Variants in QSOX2 observed in about 807,000 individuals in gnomAD.
QSOX2 encodes sulfhydryl oxidase 2.
QSOX2 carries 46 observed loss-of-function variants against 61.7 expected under a neutral mutation model. That is an observed-to-expected ratio of 0.75 (90% CI 0.59 to 0.95). The LOEUF is 0.95. QSOX2 is among the 40% of genes least tolerant of loss of function. The probability of loss-of-function intolerance (pLI) is 0.00; values close to 1 mark genes in which losing one functional copy is unlikely to be tolerated. For synonymous variants in QSOX2, 383 were observed against 388.4 expected, an observed-to-expected ratio of 0.99 and a Z score of 0.16; for missense variants, 879 against 918.9, an observed-to-expected ratio of 0.96 and a Z score of 0.56.
At chr9:136,240,749 G>A (rs1261283128) in intron 1 of QSOX2, among the ~76,000 whole-genome samples, 2 of 152,206 alleles carry the variant, frequency 1.3e-5, no homozygotes, top group Non-Finnish European at 2.9e-5. Flanking sequence ...CCTCATCTGG[G>A]GACTGAGGGC....
At chr9:136,230,091 C>T (rs1830316957) in intron 1 of QSOX2, among the ~76,000 whole-genome samples, 1 of 151,842 alleles carries the variant, frequency 6.6e-6, no homozygotes, top group Non-Finnish European at 1.5e-5. Context: ...CCATCCTGGC[C>T]AACATGGTAA....
At chr9:136,231,769 A>G (rs1447570202) in intron 1 of QSOX2, among the ~76,000 whole-genome samples, 1 of 152,172 alleles carries the variant, frequency 6.6e-6, no homozygotes, top group East Asian at 1.9e-4. Context: ...GCTTCCATCA[A>G]AGGCTGTGGT....
intron 9 of QSOX2, among the ~76,000 whole-genome samples, chr9:136,216,103 T>C (rs1831909711): frequency 1.3e-5 from 2 of 152,230 alleles, no homozygotes; most frequent in Admixed American, 6.5e-5. Context: ...CTGGGTTTAC[T>C]GCCCGCGAGT....
At chr9:136,218,936 G>A in intron 7 of QSOX2, 94 bp downstream of exon 7, 1 of 1,572,314 alleles carries the variant, frequency 6.4e-7, no homozygotes. Flanking sequence ...CTCACTGGCT[G>A]GGGTGGGTTT....
Position 136,210,754 on chromosome 9 carries a change from G to C in QSOX2, c.1549+510C>G, listed in dbSNP as rs956332721. 3.0e-6 allele frequency: 3 copies of C among 985,034 alleles called. No homozygotes were observed. The African/African-American group carries it at 5.2e-5, about 17-fold the overall frequency. 61.0% of individuals were successfully genotyped at this position (985,034 alleles called of 1,614,324 possible). A position where few individuals can be genotyped will look rare whatever the true frequency, so the allele number is the denominator to read the frequency against. ...GATTTCTCAGTGGAATTATTTTTAA[G>C]CCTAATTTTAATCTGCCACTGATTT... On this transcript the variant is annotated intron_variant, in intron 11 of 11. Coordinates refer to ENST00000358701, the MANE Select transcript of QSOX2 (RefSeq NM_181701.4).
chr9:136,233,852 T>C (rs1329043067), intron 1 of QSOX2, among the ~76,000 whole-genome samples: 1 of 152,162 alleles, frequency 6.6e-6, no homozygotes, highest in African/African-American at 2.4e-5. Flanking sequence ...GACCCTTTTC[T>C]AAAACAGGCA....
chr9:136,218,581 G>A (rs931181535), intron 8 of QSOX2, 98 bp downstream of exon 8: 65 of 1,402,918 alleles, frequency 4.6e-5, no homozygotes, highest in Admixed American at 1.9e-4. Context: ...GCACCTCAGC[G>A]GAGCTGGCGG....
Position 136,208,401 on chromosome 9 carries a change from A to C in QSOX2, c.*327T>G. Reference sequence around the variant, plus strand: ...GAAACGAGATGAAAGTGTGTGGGGAAGACTATCTGGCCTGGACTCTGCACC... The same window carrying C: ...GAAACGAGATGAAAGTGTGTGGGGACGACTATCTGGCCTGGACTCTGCACC... On this transcript the variant is annotated 3_prime_UTR_variant, in exon 12 of 12. Transcript: ENST00000358701. 4 of 204,118 alleles carry C rather than the reference A, an allele frequency of 2.0e-5. No individual in the cohort carries two copies. The highest frequency in any genetic ancestry group is 1.2e-4 in the East Asian group (1 of 8,372). The allele number at this position is 204,118 out of a possible 1,614,324, so 12.6% of individuals were successfully genotyped here.
Position 136,208,783 on chromosome 9 carries a change from A to G in QSOX2, c.2042T>C (p.Phe681Ser), listed in dbSNP as rs1564288123. The G allele has an allele frequency of 3.7e-6, 6 of 1,613,752 alleles. No individual in the cohort carries two copies. Among genetic ancestry groups the G allele is most frequent in the Admixed American group, 3.3e-5 (2 of 59,996 alleles). The change falls in exon 12 of 12, where the codon TTC (phenylalanine) becomes TCC (serine). Residue 681 changes from phenylalanine to serine, a missense_variant. Transcript: ENST00000358701. ...CCACCGCCTGGACCTCACCCGGAAG[A>G]AGAAGTACATCACCATGAGGAACAG... ...SSLFLMVMYFFFRVRSRRWKV... is the reference protein window; with the variant it reads ...SSLFLMVMYFSFRVRSRRWKV...
intron 8 of QSOX2, among the ~76,000 whole-genome samples, chr9:136,218,358 C>T (rs1197672992): frequency 6.6e-6 from 1 of 152,220 alleles, no homozygotes; most frequent in Non-Finnish European, 1.5e-5. Flanking sequence ...TGAGAGCCAG[C>T]TGAGGTGTGT....
Position 136,216,683 on chromosome 9 carries a change from T to A in QSOX2, c.1126A>T (p.Met376Leu). The change falls in exon 9 of 12, where the codon ATG becomes TTG. Residue 376 changes from methionine to leucine, a missense_variant. By Grantham distance (15) the Met-to-Leu change is conservative (BLOSUM62 2). Transcript: ENST00000358701. The stretch of plus-strand genomic sequence containing the variant: ...AGGCTGGCCAGCCACTCCTGCAGCA[T>A]CTCCAACAGCTTCTTGACTGGCGGC... ...GRPPVKKLLEMLQEWLASLPL... is the reference protein window; with the variant it reads ...GRPPVKKLLELLQEWLASLPL... 6.2e-7 allele frequency: 1 copy of A among 1,613,852 alleles called. No homozygotes were observed. The highest frequency in any genetic ancestry group is 2.2e-5 in the East Asian group (1 of 44,854).
chr9:136,245,754 C>G lies in QSOX2; in HGVS notation c.50G>C (p.Gly17Ala). The change falls in exon 1 of 12, where the codon GGA (glycine) becomes GCA (alanine). Residue 17 changes from glycine to alanine, a missense_variant. Gly to Ala is a moderately conservative substitution (Grantham distance 60). Coordinates refer to ENST00000358701, the MANE Select transcript of QSOX2 (RefSeq NM_181701.4). Reference protein sequence around the residue: ...AVARSPGIGAGPALRARRSPP... With the variant: ...AVARSPGIGAAPALRARRSPP... ...CGAGCGCCGGGCTCTCAGCGCAGGT[C>G]CCGCTCCGATTCCCGGGCTGCGCGC... 1 of 1,154,482 alleles carries G rather than the reference C, an allele frequency of 8.7e-7. No individual in the cohort carries two copies. The highest frequency in any genetic ancestry group is 3.9e-5 in the East Asian group (1 of 25,588). 71.5% of individuals were successfully genotyped at this position (1,154,482 alleles called of 1,614,324 possible). A position where few individuals can be genotyped will look rare whatever the true frequency, so the allele number is the denominator to read the frequency against.
rs1216822221 is a variant in QSOX2 at position 136,209,134 on chromosome 9, C to G, written c.1691G>C (p.Arg564Pro). Reference protein sequence around the residue: ...VLTFLKQHYGRDNLLDTYSAD... With the variant: ...VLTFLKQHYGPDNLLDTYSAD... ...GGAATACGTGTCTAAGAGGTTGTCG[C>G]GGCCATAGTGCTGCTTCAAGAATGT... is the stretch of plus-strand genomic sequence containing the variant. Residue 564 changes from arginine to proline, a missense_variant, in exon 12 of 12, where the codon CGC becomes CCC. Coordinates refer to ENST00000358701, the MANE Select transcript of QSOX2 (RefSeq NM_181701.4). The surrounding 1 kb of genome is among the most constrained non-coding windows in gnomAD (Gnocchi z 5.6). 1.2e-6 allele frequency: 2 copies of G among 1,614,166 alleles called. No homozygotes were observed. Among genetic ancestry groups the G allele is most frequent in the Non-Finnish European group, 1.7e-6 (2 of 1,180,030 alleles).
chr9:136,226,491 G>C (rs1232003350), intron 2 of QSOX2, among the ~76,000 whole-genome samples: 1 of 152,208 alleles, frequency 6.6e-6, no homozygotes, highest in Admixed American at 6.5e-5. Flanking sequence ...GGCCGTGCAG[G>C]CTGCAGGGGG....
chr9:136,220,062 T>C (rs981075493), intron 6 of QSOX2, among the ~76,000 whole-genome samples: 3 of 152,198 alleles, frequency 2.0e-5, no homozygotes, highest in Non-Finnish European at 2.9e-5. Context: ...GACAGGATCT[T>C]TCTCTGTTGC....
At chr9:136,226,621 A>G (rs556288181) in intron 2 of QSOX2, among the ~76,000 whole-genome samples, 153 bp downstream of exon 2, 40 of 152,260 alleles carry the variant, frequency 2.6e-4, no homozygotes, top group African/African-American at 9.4e-4. Flanking sequence ...AGCTCCTACA[A>G]TTCCTACGAA....
In QSOX2 at chr9:136,236,313, G is replaced by A. The variant is rs142564341; in HGVS notation, c.328+9163C>T. On this transcript the variant is annotated intron_variant, in intron 1 of 11. Transcript: ENST00000358701. ...GCCCCTGGGGAGACGCACGGTGTGCGGAGATGGGGCAGATGCTAGGTGGCA... is the reference window on the plus strand; with the variant it reads ...GCCCCTGGGGAGACGCACGGTGTGCAGAGATGGGGCAGATGCTAGGTGGCA... Among the ~76,000 whole-genome samples the A allele has an allele frequency of 7.4e-4, 112 of 152,208 alleles. 1 individual carries two copies. Among genetic ancestry groups the A allele is most frequent in the Non-Finnish European group, 1.3e-3 (90 of 68,024 alleles).
Position 136,208,764 on chromosome 9 carries a change from C to T in QSOX2, c.2061G>A (p.Arg687=). 1 of 1,613,444 alleles carries T rather than the reference C, an allele frequency of 6.2e-7. No homozygotes were observed. The highest frequency in any genetic ancestry group is 8.5e-7 in the Non-Finnish European group (1 of 1,179,884). Residue 687 remains arginine, a synonymous_variant, in exon 12 of 12, where the codon AGG becomes AGA. Coordinates refer to ENST00000358701, the MANE Select transcript of QSOX2 (RefSeq NM_181701.4). ...GGTGGTGGTGCTTGACCTTCCACCGCCTGGACCTCACCCGGAAGAAGAAGT... is the reference window on the plus strand; with the variant it reads ...GGTGGTGGTGCTTGACCTTCCACCGTCTGGACCTCACCCGGAAGAAGAAGT... ...VMYFFFRVRS[R]RWKVKHHHPA...
intron 1 of QSOX2, among the ~76,000 whole-genome samples, chr9:136,241,263 T>A (rs1190264868): frequency 6.6e-6 from 1 of 151,690 alleles, no homozygotes; most frequent in Admixed American, 6.6e-5. Flanking sequence ...ACCCTCTCCA[T>A]CCTCCCGAGT....
Sources: gnomAD v4.1 joint callset for allele counts (sites outside exome capture counted in the v4.1 genomes callset) on GRCh38, gnomAD v4.1.1 for gene constraint, Gnocchi (gnomAD v3.1) non-coding constraint, MANE v1.5 for transcripts, NCBI Gene and HGNC (gene_info 2026-07-23, HGNC 2026-07-21) for gene names.